DGKE: variants seen among roughly 807,000 people sequenced by gnomAD.
The protein encoded by DGKE is diacylglycerol kinase epsilon.
In DGKE, 53 loss-of-function variants were observed where a neutral mutation model predicts 70.0. That is an observed-to-expected ratio of 0.76 (90% CI 0.61 to 0.95). DGKE has a LOEUF of 0.95. Among genes scored for constraint, DGKE ranks in the 40% least tolerant of loss-of-function variants. DGKE has a pLI of 0.00. For synonymous variants in DGKE, 291 were observed against 257.0 expected, an observed-to-expected ratio of 1.13 and a Z score of -1.27; for missense variants, 655 against 706.9, an observed-to-expected ratio of 0.93 and a Z score of 0.83.
intron 7 of DGKE, among the ~76,000 whole-genome samples, chr17:56,855,100 C>T (rs912687065): frequency 2.0e-5 from 3 of 150,102 alleles, no homozygotes. Context: ...GAATAAAGGA[C>T]ACCTAGGAAA....
intron 2 of DGKE, among the ~76,000 whole-genome samples, chr17:56,838,201 G>A (rs1270738621): frequency 6.6e-6 from 1 of 152,150 alleles, no homozygotes; most frequent in East Asian, 1.9e-4. Context: ...GTAAAACAAA[G>A]CTGCTGACTC....
rs144054661 is a variant in DGKE, at chr17:56,841,112, G to A, written c.465-2907G>A. Among the ~76,000 whole-genome samples, 1,394 of 152,038 alleles carry A rather than the reference G, an allele frequency of 9.2e-3. 18 individuals are homozygous for A. Among genetic ancestry groups the A allele is most frequent in the African/African-American group, 0.022 (901 of 41,472 alleles). On this transcript the variant is annotated intron_variant, in intron 2 of 11. Coordinates refer to ENST00000284061, the MANE Select transcript of DGKE (RefSeq NM_003647.3). ...CTAAAAATACAAAAATTAGCTGGGC[G>A]TGGTAGCATGCACCTGTAGTCCCAG...
In DGKE at chr17:56,866,156, T is replaced by A. The variant is rs1210562439; in HGVS notation, c.*3365T>A. The A allele has an allele frequency of 6.6e-6, 1 of 152,218 alleles. No homozygotes were observed. Among genetic ancestry groups the A allele is most frequent in the Non-Finnish European group, 1.5e-5 (1 of 68,022 alleles). 9.4% of individuals were successfully genotyped at this position (152,218 alleles called of 1,614,324 possible). ...CAGAAAAGGTGGTTTGGGTTTTGCT[T>A]TTAAACAGTGTCCCCCTGTCTTTTT... On this transcript the variant is annotated 3_prime_UTR_variant, in exon 12 of 12. Coordinates refer to ENST00000284061, the MANE Select transcript of DGKE (RefSeq NM_003647.3).
In DGKE at chr17:56,866,663, G is replaced by A. The variant is rs1908536537; in HGVS notation, c.*3872G>A. 2 of 152,242 alleles carry A rather than the reference G, an allele frequency of 1.3e-5. No individual in the cohort carries two copies. Among genetic ancestry groups the A allele is most frequent in the South Asian group, 4.1e-4 (2 of 4,832 alleles). 9.4% of individuals were successfully genotyped at this position (152,242 alleles called of 1,614,324 possible). A position where few individuals can be genotyped will look rare whatever the true frequency, so the allele number is the denominator to read the frequency against. ...GACTGTGACCCATGCAGTGTTGGGG[G>A]ACAAGGAGTTGCTTCAGGAGTTAGT... On this transcript the variant is annotated 3_prime_UTR_variant, in exon 12 of 12. Coordinates refer to ENST00000284061, the MANE Select transcript of DGKE (RefSeq NM_003647.3).
chr17:56,836,582 C>T (rs1341566813), intron 2 of DGKE: 1 of 152,162 alleles, frequency 6.6e-6, no homozygotes, highest in African/African-American at 2.4e-5. Context: ...TACTCTTGAA[C>T]ACATAATCAT....
Position 56,856,681 on chromosome 17 carries a change from A to G in DGKE, c.1212+56A>G, listed in dbSNP as rs1414362592. Reference sequence around the variant, plus strand: ...ATCACCGAAGGTACAGTAAAAATCAATAGTTCAATTATATTTAGCACTCCT... The same window carrying G: ...ATCACCGAAGGTACAGTAAAAATCAGTAGTTCAATTATATTTAGCACTCCT... On this transcript the variant is annotated intron_variant, in intron 8 of 11. Coordinates refer to ENST00000284061, the MANE Select transcript of DGKE (RefSeq NM_003647.3). 19 of 1,543,656 alleles carry G rather than the reference A, an allele frequency of 1.2e-5. No homozygotes were observed. The East Asian group carries it at 1.6e-4, about 13-fold the overall frequency.
At chr17:56,843,356 T>A (rs1222320178) in intron 2 of DGKE, among the ~76,000 whole-genome samples, 1 of 152,222 alleles carries the variant, frequency 6.6e-6, no homozygotes, top group Non-Finnish European at 1.5e-5. Flanking sequence ...TCATATTTGC[T>A]TCTATTGTCA....
intron 7 of DGKE, among the ~76,000 whole-genome samples, chr17:56,851,976 G>GAAGATTGCTTGAGCCC (rs1238915991): frequency 6.6e-6 from 1 of 152,190 alleles, no homozygotes; most frequent in Non-Finnish European, 1.5e-5. Context: ...GCTGAGGCAG[G>GAAGATTGCTTGAGCCC]AAGATTGCTT....
chr17:56,835,364 C>A, intron 2 of DGKE, 105 bp downstream of exon 2: 1 of 1,214,922 alleles, frequency 8.2e-7, no homozygotes, highest in Non-Finnish European at 1.1e-6. Flanking sequence ...GACCTAAACT[C>A]ATTTTGAGGA....
intron 7 of DGKE, among the ~76,000 whole-genome samples, chr17:56,850,006 A>G (rs925366942): frequency 6.6e-6 from 1 of 152,112 alleles, no homozygotes; most frequent in Non-Finnish European, 1.5e-5. Flanking sequence ...TCACATCCCT[A>G]TTTATCAGCC....
intron 1 of DGKE, 70 bp from the exon 2 acceptor site, chr17:56,834,708 G>A: frequency 7.0e-7 from 1 of 1,437,946 alleles, no homozygotes; most frequent in South Asian, 1.3e-5. Flanking sequence ...GTTTGGCCCC[G>A]GAAAGGCAGG....
intron 8 of DGKE, among the ~76,000 whole-genome samples, chr17:56,857,047 G>A (rs928182227): frequency 6.6e-5 from 10 of 151,952 alleles, no homozygotes; most frequent in South Asian, 6.2e-4. Context: ...GCAGTGAGCC[G>A]AGATCATACC....
intron 2 of DGKE, among the ~76,000 whole-genome samples, chr17:56,840,095 C>T (rs562791682): frequency 4.6e-5 from 7 of 152,124 alleles, no homozygotes; most frequent in Non-Finnish European, 8.8e-5. Context: ...ACCCAGGAGG[C>T]GGAGGTTGCT....
In DGKE at chr17:56,834,825, CT is replaced by C; in HGVS notation, c.31del (p.Ser11ArgfsTer12). MEAERRPAPG[S>X]PSEGLFADGH... ...AAGCGGAGAGGCGGCCGGCGCCGGG[CT>C]CGCCCTCCGAGGGCCTGTTTGCGGA... On this transcript the variant is annotated frameshift_variant, in exon 2 of 12. Transcript: ENST00000284061. LOFTEE classifies it high-confidence loss of function. The C allele has an allele frequency of 6.2e-7, 1 of 1,606,904 alleles. No individual in the cohort carries two copies. Among genetic ancestry groups the C allele is most frequent in the African/African-American group, 1.3e-5 (1 of 74,936 alleles).
rs1310860737 is a variant in DGKE, at chr17:56,866,693, T to C, written c.*3902T>C. The C allele has an allele frequency of 6.6e-6, 1 of 152,254 alleles. No individual in the cohort carries two copies. The highest frequency in any genetic ancestry group is 2.4e-5 in the African/African-American group (1 of 41,460). The allele number at this position is 152,254 out of a possible 1,614,324, so 9.4% of individuals were successfully genotyped here. The stretch of plus-strand genomic sequence containing the variant: ...GGAGTTGCTTCAGGAGTTAGTGCAG[T>C]GCGCCTCCAAGGGGCAGTGAGCCAT... On this transcript the variant is annotated 3_prime_UTR_variant, in exon 12 of 12. Transcript: ENST00000284061.
At chr17:56,838,188 T>G (rs1906747301) in intron 2 of DGKE, among the ~76,000 whole-genome samples, 1 of 152,210 alleles carries the variant, frequency 6.6e-6, no homozygotes, top group Non-Finnish European at 1.5e-5. Flanking sequence ...ATTACTGTGA[T>G]TAGTAAAACA....
Position 56,863,574 on chromosome 17 carries a change from T to G in DGKE, c.*783T>G, listed in dbSNP as rs1432711300. On this transcript the variant is annotated 3_prime_UTR_variant, in exon 12 of 12. Coordinates refer to ENST00000284061, the MANE Select transcript of DGKE (RefSeq NM_003647.3). ...CTGAACTGTTTATCAGCCGCTCTTT[T>G]TATTAAAAGACAGTGTCAACACTTC... The G allele has an allele frequency of 6.6e-6, 1 of 152,218 alleles. No individual in the cohort carries two copies. Among genetic ancestry groups the G allele is most frequent in the Non-Finnish European group, 1.5e-5 (1 of 68,040 alleles). 9.4% of individuals were successfully genotyped at this position (152,218 alleles called of 1,614,324 possible). A position where few individuals can be genotyped will look rare whatever the true frequency, so the allele number is the denominator to read the frequency against.
At chr17:56,836,501 G>A (rs183757025) in intron 2 of DGKE, 16 of 152,246 alleles carry the variant, frequency 1.1e-4, no homozygotes, top group East Asian at 9.6e-4. Context: ...CTTCTCTGGT[G>A]TAGCCTCCAG....
At chr17:56,837,497 TAGG>T (rs758148900) in intron 2 of DGKE, among the ~76,000 whole-genome samples, 24 of 152,200 alleles carry the variant, frequency 1.6e-4, no homozygotes, top group African/African-American at 5.3e-4. Context: ...CTGTGTAATT[TAGG>T]AGATGTTTAT....
Sources: allele counts gnomAD v4.1 joint callset (sites outside exome capture counted in the v4.1 genomes callset), GRCh38; gene constraint gnomAD v4.1.1; transcripts MANE v1.5; gene names NCBI Gene and HGNC (gene_info 2026-07-23, HGNC 2026-07-21).